NAP1L1: variants seen among roughly 807,000 people sequenced by gnomAD.
The protein encoded by NAP1L1 is nucleosome assembly protein 1 like 1.
Under a neutral mutation model 58.9 loss-of-function variants are expected in NAP1L1, and 9 were observed. That is an observed-to-expected ratio of 0.15 (90% confidence interval 0.09 to 0.27). The LOEUF is 0.27. NAP1L1 is among the 10% of genes least tolerant of loss of function. The pLI is 1.00. For missense variants in NAP1L1, 302 were observed against 458.8 expected (o/e 0.66, Z 3.12); for synonymous variants, 130 against 138.3 (o/e 0.94, Z 0.42).
At chr12:76,069,115 CA>C (rs1263996224) in intron 2 of NAP1L1, 121 bp from the exon 3 acceptor site, 2 of 716,392 alleles carry the variant, frequency 2.8e-6, no homozygotes, top group African/African-American at 3.6e-5. Flanking sequence ...ATAGGAAATT[CA>C]AAAGGTAATT....
At chr12:76,070,570 T>C (rs1022634733) in intron 2 of NAP1L1, among the ~76,000 whole-genome samples, 1 of 152,208 alleles carries the variant, frequency 6.6e-6, no homozygotes, top group East Asian at 1.9e-4. Context: ...CCACAAACTA[T>C]GCCCATGTGG....
chr12:76,064,521 AAAGAATAACATAGAGCAATCCT>A (rs1949572656), intron 4 of NAP1L1, among the ~76,000 whole-genome samples: 1 of 152,166 alleles, frequency 6.6e-6, no homozygotes, highest in South Asian at 2.1e-4. Context: ...AAAAAACTGG[AAAGAATAACATAGAGCAATCCT>A]AAAAAAGAGA....
At chr12:76,074,688 T>G (rs1052144979) in intron 1 of NAP1L1, among the ~76,000 whole-genome samples, 2 of 152,256 alleles carry the variant, frequency 1.3e-5, no homozygotes, top group African/African-American at 4.8e-5. Flanking sequence ...ATATTCATTT[T>G]ATGTAATTCA....
chr12:76,067,488 G>C lies in NAP1L1; in HGVS notation c.104-15C>G, dbSNP rs200468058. 24 of 1,173,008 alleles carry C rather than the reference G, an allele frequency of 2.0e-5. 2 individuals carry two copies. Among genetic ancestry groups the C allele is most frequent in the South Asian group, 7.4e-5 (6 of 81,106 alleles). The allele number at this position is 1,173,008 out of a possible 1,614,324, so 72.7% of individuals were successfully genotyped here. A position where few individuals can be genotyped will look rare whatever the true frequency, so the allele number is the denominator to read the frequency against. On this transcript the variant is annotated splice_polypyrimidine_tract_variant and intron_variant, in intron 3 of 14. Transcript: ENST00000618691. ...TAGCTGACGTGCTTTAAAAAAAAAA[G>C]GGCATCGAAAGAAGGATTTTATGAA... is the stretch of plus-strand genomic sequence containing the variant.
At chr12:76,078,490 C>T (rs1019910747) in intron 1 of NAP1L1, among the ~76,000 whole-genome samples, 1 of 152,148 alleles carries the variant, frequency 6.6e-6, no homozygotes, top group Non-Finnish European at 1.5e-5. Context: ...TAACAGAAAT[C>T]AATCCTACAC....
chr12:76,084,330 C>A (rs1950529478), intron 1 of NAP1L1, among the ~76,000 whole-genome samples: 1 of 152,154 alleles, frequency 6.6e-6, no homozygotes, highest in African/African-American at 2.4e-5. Context: ...GCGCCAACCC[C>A]TACGTCGCCT....
intron 7 of NAP1L1, among the ~76,000 whole-genome samples, chr12:76,055,710 C>T (rs556854218): frequency 3.2e-4 from 48 of 152,274 alleles, no homozygotes; most frequent in African/African-American, 1.1e-3. Flanking sequence ...AAGGGAATTG[C>T]ATAATTGCAG....
intron 1 of NAP1L1, among the ~76,000 whole-genome samples, chr12:76,081,021 C>A (rs1290605102): frequency 1.3e-5 from 2 of 152,086 alleles, no homozygotes; most frequent in African/African-American, 4.8e-5. Flanking sequence ...AGGTTCTCAC[C>A]ACATGGGTCC....
intron 3 of NAP1L1, 130 bp downstream of exon 3, chr12:76,068,779 C>CA (rs1555184946): frequency 1.6e-6 from 1 of 643,770 alleles, no homozygotes; most frequent in East Asian, 2.7e-5. Flanking sequence ...CACACACACA[C>CA]TAGAAGTATG....
chr12:76,053,502 C>T lies in NAP1L1; in HGVS notation c.771-152G>A, dbSNP rs1948936008. On this transcript the variant is annotated intron_variant, in intron 9 of 14. Transcript: ENST00000618691. ...CAGTATAAAGGGAAAAATTTTATTT[C>T]TAAGCAAATATTTAAAATAAACACA... The T allele has an allele frequency of 4.0e-5, 38 of 945,356 alleles. No individual in the cohort carries two copies. The South Asian group carries it at 7.2e-4, about 18-fold the overall frequency. The allele number at this position is 945,356 out of a possible 1,614,324, so 58.6% of individuals were successfully genotyped here.
intron 7 of NAP1L1, among the ~76,000 whole-genome samples, chr12:76,055,780 G>T (rs940856821): frequency 1.3e-5 from 2 of 152,158 alleles, no homozygotes; most frequent in Non-Finnish European, 2.9e-5. Flanking sequence ...AAAAGGCACA[G>T]GGTTATAAGA....
intron 2 of NAP1L1, among the ~76,000 whole-genome samples, chr12:76,069,972 T>C (rs528689530): frequency 6.6e-6 from 1 of 152,364 alleles, no homozygotes; most frequent in Non-Finnish European, 1.5e-5. Flanking sequence ...ATTAGAAATG[T>C]AGTTGCTTTT....
chr12:76,056,330 T>C, intron 6 of NAP1L1, 169 bp from the exon 7 acceptor site: 1 of 603,550 alleles, frequency 1.7e-6, no homozygotes, highest in Non-Finnish European at 2.8e-6. Context: ...CCATCAAAAT[T>C]ACTGCTACCA....
At chr12:76,069,806 A>T (rs1949860460) in intron 2 of NAP1L1, among the ~76,000 whole-genome samples, 1 of 151,954 alleles carries the variant, frequency 6.6e-6, no homozygotes, top group Non-Finnish European at 1.5e-5. Flanking sequence ...ATAAGATAGC[A>T]TCCTTCCCAT....
chr12:76,052,834 GA>G (rs1192646042), intron 11 of NAP1L1, among the ~76,000 whole-genome samples: 1 of 152,178 alleles, frequency 6.6e-6, no homozygotes, highest in Non-Finnish European at 1.5e-5. Flanking sequence ...CAACAGTTTT[GA>G]AAAGTTAAAT....
At chr12:76,074,390 A>G (rs1950097178) in intron 1 of NAP1L1, 151 bp from the exon 2 acceptor site, 1 of 974,684 alleles carries the variant, frequency 1.0e-6, no homozygotes, top group Non-Finnish European at 1.2e-6. Flanking sequence ...AGAAGAAAAA[A>G]CTCATGGAAC....
intron 12 of NAP1L1, 141 bp from the exon 13 acceptor site, chr12:76,049,926 A>C: frequency 1.2e-6 from 1 of 810,534 alleles, no homozygotes; most frequent in Non-Finnish European, 2.0e-6. Context: ...TATAAATTAA[A>C]ACACATAGTA....
chr12:76,038,957 T>G lies in NAP1L1; in HGVS notation c.*9472A>C, dbSNP rs1311578395. On this transcript the variant is annotated 3_prime_UTR_variant, in exon 15 of 15. Transcript: ENST00000618691. Reference sequence around the variant, plus strand: ...TGCATGGTTCTGAGAAAGGTTATCATGCAAAATGAAATAAAAAGCCTTGGG... The same window carrying G: ...TGCATGGTTCTGAGAAAGGTTATCAGGCAAAATGAAATAAAAAGCCTTGGG... 1 of 152,180 alleles carries G rather than the reference T, an allele frequency of 6.6e-6. No homozygotes were observed. The highest frequency in any genetic ancestry group is 1.9e-4 in the East Asian group (1 of 5,204). 9.4% of individuals were successfully genotyped at this position (152,180 alleles called of 1,614,324 possible). A position where few individuals can be genotyped will look rare whatever the true frequency, so the allele number is the denominator to read the frequency against.
rs760051029 is a variant in NAP1L1, at chr12:76,068,859, G to A, written c.103+50C>T. 5.2e-6 allele frequency: 7 copies of A among 1,359,170 alleles called. No individual in the cohort carries two copies. In the East Asian group the frequency reaches 6.9e-5, roughly 13 times the overall value. The allele number at this position is 1,359,170 out of a possible 1,614,324, so 84.2% of individuals were successfully genotyped here. A position where few individuals can be genotyped will look rare whatever the true frequency, so the allele number is the denominator to read the frequency against. ...GACTGGTACTTATAACTACCCTCTA[G>A]TAGACATGTGCCAGCAATCACTGGC... On this transcript the variant is annotated intron_variant, in intron 3 of 14. Transcript: ENST00000618691.
Sources: gnomAD v4.1 joint callset for allele counts (sites outside exome capture counted in the v4.1 genomes callset) on GRCh38, gnomAD v4.1.1 for gene constraint, MANE v1.5 for transcripts, NCBI Gene and HGNC (gene_info 2026-07-23, HGNC 2026-07-21) for gene names.